MTAP: variants seen among roughly 807,000 people sequenced by gnomAD.
MTAP encodes the protein methylthioadenosine phosphorylase, also known as S-methyl-5'-thioadenosine phosphorylase.
A neutral mutation model predicts 33.6 loss-of-function variants in MTAP; 33 were observed. The observed-to-expected ratio is 0.98, with a 90% confidence interval of 0.74 to 1.31. The LOEUF is 1.31. MTAP is among the 40% of genes most tolerant of loss of function. The pLI is 0.00. For synonymous variants in MTAP, 148 were observed against 125.7 expected (o/e 1.18, Z -1.19); for missense variants, 367 against 360.0 (o/e 1.02, Z -0.16).
chr9:21,808,755 T>G (rs117138476), intron 1 of MTAP: 1 of 152,148 alleles, frequency 6.6e-6, no homozygotes, highest in Admixed American at 6.6e-5. Context: ...TCTGAACCTG[T>G]AGAACCATGA....
intron 1 of MTAP, among the ~76,000 whole-genome samples, chr9:21,910,217 G>A (rs1269408553): frequency 6.6e-6 from 1 of 151,938 alleles, no homozygotes; most frequent in Non-Finnish European, 1.5e-5. Context: ...GCCAGGCATT[G>A]TTCTAAGTAG....
At chr9:21,918,391 T>C (rs1295336341) in intron 1 of MTAP, among the ~76,000 whole-genome samples, 1 of 149,110 alleles carries the variant, frequency 6.7e-6, no homozygotes, top group Non-Finnish European at 1.5e-5. Context: ...TTAATGGACT[T>C]TGGGGGCTCG....
chr9:21,886,413 C>T (rs1319886090), intron 1 of MTAP, among the ~76,000 whole-genome samples: 2 of 152,106 alleles, frequency 1.3e-5, no homozygotes, highest in African/African-American at 4.8e-5. Flanking sequence ...TCTGTTTACT[C>T]TGCTGATTAT....
chr9:21,827,419 T>G (rs1384546476), intron 4 of MTAP, among the ~76,000 whole-genome samples: 8 of 152,192 alleles, frequency 5.3e-5, no homozygotes, highest in African/African-American at 2.4e-5. Flanking sequence ...TTCCAGTCTA[T>G]CAGAAGCATT....
Position 21,802,700 on chromosome 9 carries a change from C to T in MTAP, c.-49C>T, listed in dbSNP as rs756615689. On this transcript the variant is annotated 5_prime_UTR_variant, in exon 1 of 8. Transcript: ENST00000644715. ...CCACCGCTCTGTGGCTCGCTTGGTT[C>T]CCTTAGTCCCGAGCGCTCGCCCACT... 6 of 1,591,932 alleles carry T rather than the reference C, an allele frequency of 3.8e-6. No individual in the cohort carries two copies. Among genetic ancestry groups the T allele is most frequent in the Non-Finnish European group, 5.1e-6 (6 of 1,170,238 alleles).
At chr9:21,807,583 C>CA (rs1563827958) in intron 1 of MTAP, among the ~76,000 whole-genome samples, 1 of 152,176 alleles carries the variant, frequency 6.6e-6, no homozygotes. Context: ...TCCCCCTAGT[C>CA]ATGACAGCCA....
In MTAP at chr9:21,863,788, G is replaced by T. The variant is rs1233643940; in HGVS notation, c.*1774G>T. ...AAGAGTTTGTAAAGTCAATGTGTTT[G>T]TTTGTGTCTCTGAGATTGACTTCAA... is the stretch of plus-strand genomic sequence containing the variant. On this transcript the variant is annotated 3_prime_UTR_variant, in exon 8 of 8. Transcript: ENST00000644715. 1.0e-6 allele frequency: 1 copy of T among 985,674 alleles called. No homozygotes were observed. Among genetic ancestry groups the T allele is most frequent in the South Asian group, 4.7e-5 (1 of 21,286 alleles). The allele number at this position is 985,674 out of a possible 1,614,324, so 61.1% of individuals were successfully genotyped here. A position where few individuals can be genotyped will look rare whatever the true frequency, so the allele number is the denominator to read the frequency against.
intron 1 of MTAP, among the ~76,000 whole-genome samples, chr9:21,807,440 A>G (rs753495396): frequency 3.3e-5 from 5 of 152,220 alleles, no homozygotes; most frequent in Non-Finnish European, 5.9e-5. Flanking sequence ...ATGACCAACA[A>G]GCCTTCATTT....
chr9:21,838,047 CAT>C, intron 5 of MTAP, 37 bp downstream of exon 5: 1 of 1,568,714 alleles, frequency 6.4e-7, no homozygotes, highest in Non-Finnish European at 8.8e-7. Flanking sequence ...CAGAATAAAT[CAT>C]GTGGGCTTGG....
rs1825863469 is a variant in MTAP at position 21,867,048 on chromosome 9, T to G, written c.*5034T>G. ...TTTATTTTTGTATATTGACTTTATA[T>G]TCTGTAATCTTATTAAATTCACTTA... is the stretch of plus-strand genomic sequence containing the variant. On this transcript the variant is annotated 3_prime_UTR_variant, in exon 8 of 8. Transcript: ENST00000644715. 6.6e-6 allele frequency: 1 copy of G among 152,182 alleles called. No homozygotes were observed. Among genetic ancestry groups the G allele is most frequent in the South Asian group, 2.1e-4 (1 of 4,836 alleles). 9.4% of individuals were successfully genotyped at this position (152,182 alleles called of 1,614,324 possible). A position where few individuals can be genotyped will look rare whatever the true frequency, so the allele number is the denominator to read the frequency against.
At position 21,864,220 on chromosome 9, in the gene MTAP, T is replaced by C. The variant is rs1199298476; in HGVS notation, c.*2206T>C. 1.0e-6 allele frequency: 1 copy of C among 985,326 alleles called. No homozygotes were observed. The highest frequency in any genetic ancestry group is 1.2e-6 in the Non-Finnish European group (1 of 829,930). 61.0% of individuals were successfully genotyped at this position (985,326 alleles called of 1,614,324 possible). On this transcript the variant is annotated 3_prime_UTR_variant, in exon 8 of 8. Transcript: ENST00000644715. ...TTTCAGACTAACTAAATGAATGCAG[T>C]ATACTCTTTTCTTTGTTCTCAATCA...
At chr9:21,835,386 T>C (rs1825080698) in intron 4 of MTAP, among the ~76,000 whole-genome samples, 1 of 152,138 alleles carries the variant, frequency 6.6e-6, no homozygotes. Context: ...AAAAATTCAT[T>C]CGAATCCAGG....
At chr9:21,923,386 C>G (rs1378488849) in intron 1 of MTAP, among the ~76,000 whole-genome samples, 3 of 152,128 alleles carry the variant, frequency 2.0e-5, no homozygotes, top group Non-Finnish European at 4.4e-5. Context: ...AGTTAGCACC[C>G]CCTTTGGGAG....
chr9:21,823,390 A>T (rs539501298), intron 4 of MTAP, among the ~76,000 whole-genome samples: 3 of 152,318 alleles, frequency 2.0e-5, no homozygotes, highest in Non-Finnish European at 4.4e-5. Context: ...TTGGCTGGAT[A>T]TGAAATTCTG....
downstream of MTAP, chr9:21,931,363 G>C: frequency 1.9e-6 from 1 of 515,766 alleles, no homozygotes; most frequent in East Asian, 3.1e-5. Flanking sequence ...AGGGAGGAGA[G>C]ACCCCCTCCA....
At chr9:21,890,888 G>A (rs1587278167) in intron 1 of MTAP, among the ~76,000 whole-genome samples, 1 of 152,106 alleles carries the variant, frequency 6.6e-6, no homozygotes, top group Non-Finnish European at 1.5e-5. Context: ...GTCGTTCTTG[G>A]AGCAAAAGTT....
At chr9:21,830,104 C>T (rs554162484) in intron 4 of MTAP, among the ~76,000 whole-genome samples, 1 of 152,144 alleles carries the variant, frequency 6.6e-6, no homozygotes, top group Non-Finnish European at 1.5e-5. Context: ...CAAGTAAATT[C>T]CATAGCAATT....
At chr9:21,855,843 C>T (rs893647894) in intron 6 of MTAP, among the ~76,000 whole-genome samples, 1 of 152,122 alleles carries the variant, frequency 6.6e-6, no homozygotes, top group East Asian at 1.9e-4. Flanking sequence ...TTCTCCCCTG[C>T]CCTCATTGTG....
intron 1 of MTAP, chr9:21,930,735 G>C (rs1818944296): frequency 3.0e-6 from 2 of 677,314 alleles, no homozygotes; most frequent in Non-Finnish European, 5.2e-6. Flanking sequence ...GGCAGCACAG[G>C]GAGGAATTTG....
Sources: allele counts gnomAD v4.1 joint callset (sites outside exome capture counted in the v4.1 genomes callset), GRCh38; gene constraint gnomAD v4.1.1; transcripts MANE v1.5; gene names NCBI Gene and HGNC (gene_info 2026-07-23, HGNC 2026-07-21).